Variants in DPYD observed in about 807,000 individuals in gnomAD.
DPYD encodes dihydropyrimidine dehydrogenase.
Under a neutral mutation model 116.2 loss-of-function variants are expected in DPYD, and 109 were observed. The observed-to-expected ratio is 0.94, with a 90% CI of 0.80 to 1.10. DPYD has a LOEUF of 1.10. DPYD is among the 50% of genes least tolerant of loss of function. DPYD has a pLI of 0.00. For missense variants in DPYD, 1,302 were observed against 1,254.5 expected, an observed-to-expected ratio of 1.04 and a Z score of -0.57; for synonymous variants, 440 against 432.0, an observed-to-expected ratio of 1.02 and a Z score of -0.23.
At chr1:97,580,979 G>A (rs190680607) in intron 10 of DPYD, among the ~76,000 whole-genome samples, 269 of 152,114 alleles carry the variant, frequency 1.8e-3, no homozygotes, top group Non-Finnish European at 2.5e-3. Flanking sequence ...GATAATGGAG[G>A]GTTCTTGCTA....
intron 4 of DPYD, among the ~76,000 whole-genome samples, chr1:97,731,625 A>C (rs1383300940): frequency 3.3e-5 from 5 of 152,014 alleles, no homozygotes; most frequent in African/African-American, 1.2e-4. Flanking sequence ...GAAATCTAGA[A>C]AATTCAATTA....
At position 97,540,332 on chromosome 1, in the gene DPYD, G is replaced by A. The variant is rs1446794011; in HGVS notation, c.1524+9228C>T. ...GCTTACAGAACCCGGGGTGGGGGGT[G>A]GGGGGTGGGGGTGGCGGCGGGGCAG... On this transcript the variant is annotated intron_variant, in intron 12 of 22. Transcript: ENST00000370192. Among the ~76,000 whole-genome samples the A allele has an allele frequency of 2.2e-5, 3 of 133,900 alleles. 1 individual carries two copies. The highest frequency in any genetic ancestry group is 4.8e-5 in the Non-Finnish European group (3 of 62,238). The allele number at this position is 133,900 out of a possible 152,430, so 87.8% of individuals were successfully genotyped here.
chr1:97,215,542 AT>A (rs974014482), intron 19 of DPYD, among the ~76,000 whole-genome samples: 3 of 152,120 alleles, frequency 2.0e-5, no homozygotes, highest in Admixed American at 1.3e-4. Flanking sequence ...TTCAAATTGT[AT>A]GTTCAAAAGG....
chr1:97,458,548 G>A (rs539866723), intron 13 of DPYD, among the ~76,000 whole-genome samples: 54 of 152,234 alleles, frequency 3.5e-4, no homozygotes, highest in African/African-American at 1.3e-3. Context: ...GCCCATCCCT[G>A]GTGGCCTATA....
At chr1:97,637,212 C>T (rs1021612983) in intron 8 of DPYD, among the ~76,000 whole-genome samples, 1 of 152,010 alleles carries the variant, frequency 6.6e-6, no homozygotes, top group Non-Finnish European at 1.5e-5. Context: ...ACCACACACA[C>T]CTCATAAATG....
chr1:97,405,015 C>T (rs1673578364), intron 14 of DPYD, among the ~76,000 whole-genome samples: 1 of 150,458 alleles, frequency 6.6e-6, no homozygotes, highest in African/African-American at 2.4e-5. Context: ...TATAGCTAAT[C>T]CAAGTCCATC....
At chr1:97,528,660 CA>C (rs1307363080) in intron 12 of DPYD, among the ~76,000 whole-genome samples, 1 of 152,156 alleles carries the variant, frequency 6.6e-6, no homozygotes, top group Non-Finnish European at 1.5e-5. Context: ...TACCATCCAT[CA>C]AGCTTGTTAA....
chr1:97,872,914 C>T lies in DPYD; in HGVS notation c.150+10350G>A, dbSNP rs139852279. Among the ~76,000 whole-genome samples, 929 of 151,984 alleles carry T rather than the reference C, an allele frequency of 6.1e-3. 10 individuals carry two copies. The highest frequency in any genetic ancestry group is 0.017 in the Middle Eastern group (5 of 294). On this transcript the variant is annotated intron_variant, in intron 2 of 22. Coordinates refer to ENST00000370192, the MANE Select transcript of DPYD (RefSeq NM_000110.4). ...CCCTTAACTTCAATCAGTATGCTCCCCCATCTTCGGACTTTCAGATACAAG... is the reference window on the plus strand; with the variant it reads ...CCCTTAACTTCAATCAGTATGCTCCTCCATCTTCGGACTTTCAGATACAAG...
chr1:97,350,405 C>T (rs1403532563), intron 16 of DPYD, among the ~76,000 whole-genome samples: 1 of 151,994 alleles, frequency 6.6e-6, no homozygotes, highest in Non-Finnish European at 1.5e-5. Flanking sequence ...TCTTTCTATG[C>T]TTACAATTTA....
chr1:97,712,066 A>G (rs1662319569), intron 5 of DPYD, among the ~76,000 whole-genome samples: 1 of 151,974 alleles, frequency 6.6e-6, no homozygotes, highest in Non-Finnish European at 1.5e-5. Context: ...ATTGCACAAT[A>G]TTACCACAAC....
intron 18 of DPYD, among the ~76,000 whole-genome samples, chr1:97,262,369 C>T (rs1331799328): frequency 2.0e-5 from 3 of 152,008 alleles, no homozygotes; most frequent in Non-Finnish European, 4.4e-5. Context: ...ATGTAAAATG[C>T]TCCACATAGG....
Position 97,191,616 on chromosome 1 carries a change from A to C in DPYD, c.2622+1453T>G, listed in dbSNP as rs541298260. 2.0e-5 allele frequency among the ~76,000 whole-genome samples: 3 copies of C among 152,296 alleles called. No individual in the cohort carries two copies. The East Asian group carries it at 5.8e-4, about 29-fold the overall frequency. On this transcript the variant is annotated intron_variant, in intron 20 of 22. Coordinates refer to ENST00000370192, the MANE Select transcript of DPYD (RefSeq NM_000110.4). ...TTACCCATCTTTTATTTGAATATGT[A>C]AGTTTTGAAACGAGTGTGAAAATCC... is the stretch of plus-strand genomic sequence containing the variant.
chr1:97,297,347 C>A (rs941150891), intron 18 of DPYD, among the ~76,000 whole-genome samples: 2 of 152,184 alleles, frequency 1.3e-5, no homozygotes, highest in African/African-American at 4.8e-5. Context: ...CAAAGGTTTA[C>A]TATGCCCCAC....
At chr1:97,694,671 C>T (rs1344137453) in intron 6 of DPYD, among the ~76,000 whole-genome samples, 2 of 152,074 alleles carry the variant, frequency 1.3e-5, no homozygotes, top group Non-Finnish European at 2.9e-5. Context: ...CACACTATTC[C>T]CTTTCCAGCC....
At chr1:97,757,699 ATAATG>A (rs1665325093) in intron 3 of DPYD, among the ~76,000 whole-genome samples, 1 of 152,162 alleles carries the variant, frequency 6.6e-6, no homozygotes, top group African/African-American at 2.4e-5. Context: ...ATACTTAAAA[ATAATG>A]TAGACAGCTA....
intron 21 of DPYD, among the ~76,000 whole-genome samples, chr1:97,082,891 G>C (rs912817020): frequency 1.3e-5 from 2 of 152,106 alleles, no homozygotes; most frequent in Non-Finnish European, 2.9e-5. Context: ...TCATAATGAA[G>C]GGAATACGAG....
intron 8 of DPYD, among the ~76,000 whole-genome samples, chr1:97,662,945 A>G (rs1659351681): frequency 6.6e-6 from 1 of 152,232 alleles, no homozygotes; most frequent in Non-Finnish European, 1.5e-5. Context: ...GGTGGTTATG[A>G]AAACTAAATA....
chr1:97,610,999 G>A (rs1042881534), intron 8 of DPYD, among the ~76,000 whole-genome samples: 7 of 151,924 alleles, frequency 4.6e-5, no homozygotes, highest in African/African-American at 1.2e-4. Flanking sequence ...GTGTGTGTGT[G>A]TGTCTGTGTA....
chr1:97,264,445 C>T (rs1664101514), intron 18 of DPYD, among the ~76,000 whole-genome samples: 2 of 151,852 alleles, frequency 1.3e-5, no homozygotes, highest in Non-Finnish European at 2.9e-5. Context: ...CTTGGTCTCC[C>T]AAAGTGTTGG....
Sources: gnomAD v4.1 joint callset for allele counts (sites outside exome capture counted in the v4.1 genomes callset) on GRCh38, gnomAD v4.1.1 for gene constraint, MANE v1.5 for transcripts, NCBI Gene and HGNC (gene_info 2026-07-23, HGNC 2026-07-21) for gene names.